Variants in NOC2L observed in about 807,000 individuals in gnomAD.
The protein encoded by NOC2L is NOC2 like nucleolar associated transcriptional repressor.
In NOC2L, 101 loss-of-function variants were observed where a neutral mutation model predicts 94.2. That is an observed-to-expected ratio of 1.07 (90% confidence interval 0.91 to 1.26). The LOEUF is 1.26. Ranked by LOEUF, NOC2L falls within the 50% of genes most tolerant of loss-of-function variation. The pLI is 0.00. For missense variants in NOC2L, 1,076 were observed against 980.1 expected (o/e 1.10, Z -1.31); for synonymous variants, 531 against 413.4 (o/e 1.28, Z -3.45).
Position 957,185 on chromosome 1 carries a change from T to C in NOC2L, c.268A>G (p.Asn90Asp), listed in dbSNP as rs1557623416. 1.2e-6 allele frequency: 2 copies of C among 1,614,058 alleles called. No individual in the cohort carries two copies. The highest frequency in any genetic ancestry group is 1.7e-6 in the Non-Finnish European group (2 of 1,180,034). ...CTGAAGTTTAGCAGGCTCTGGTCAT[T>C]CTCCTGCAGGAACTTGTAGAACTCG... ...DPEFYKFLQENDQSLLNFSDS... is the reference protein window; with the variant it reads ...DPEFYKFLQEDDQSLLNFSDS... Residue 90 changes from asparagine (N) to aspartate (D), a missense_variant, in exon 3 of 19, where the codon AAT becomes GAT. This residue lies in a region of NOC2L where 457 missense variants were observed against 386.0 expected (regional missense o/e 1.18). Coordinates refer to ENST00000327044, the MANE Select transcript of NOC2L (RefSeq NM_015658.4).
rs1642176590 is a variant in NOC2L at position 948,565 on chromosome 1, G to A, written c.1482C>T (p.Arg494=). ...QQVDFNRKPG[R]MSSKPINFSV... ...AGAAGTTGATGGGCTTGGAGCTCAT[G>A]CGCCCTGGCTTCCTGTTGAAGTCGA... is the stretch of plus-strand genomic sequence containing the variant. The change falls in exon 13 of 19, where the codon CGC becomes CGT. Residue 494 remains arginine, a synonymous_variant. Transcript: ENST00000327044. 5.6e-6 allele frequency: 9 copies of A among 1,613,538 alleles called. No homozygotes were observed. Among genetic ancestry groups the A allele is most frequent in the Non-Finnish European group, 7.6e-6 (9 of 1,179,952 alleles).
At chr1:951,023 G>T in intron 12 of NOC2L, 104 bp downstream of exon 12, 1 of 866,436 alleles carries the variant, frequency 1.2e-6, no homozygotes, top group Non-Finnish European at 1.9e-6. Context: ...AGGCGGCCAG[G>T]GCTCCGGGAA....
intron 2 of NOC2L, 23 bp downstream of exon 2, chr1:958,906 T>C (rs1054258193): frequency 4.3e-6 from 7 of 1,612,464 alleles, no homozygotes; most frequent in Non-Finnish European, 5.1e-6. Flanking sequence ...CAAGAGGTTC[T>C]GCTCACGCAT....
rs777903751 is a variant in NOC2L, at chr1:945,061, C to T, written c.2139G>A (p.Ser713=). ...TCTCACCCCAAGACCATTCACCCTC[C>T]GAGTTGCTGCTGTCCTCCTCGCCCT... The part of the protein sequence containing the change: ...EEEGEEDSSN[S]EDGDPDAEAG... The change falls in exon 18 of 19, where the codon TCG becomes TCA. Residue 713 remains serine, a synonymous_variant. Coordinates refer to ENST00000327044, the MANE Select transcript of NOC2L (RefSeq NM_015658.4). 6.8e-6 allele frequency: 11 copies of T among 1,614,044 alleles called. No homozygotes were observed. Among genetic ancestry groups the T allele is most frequent in the Admixed American group, 3.3e-5 (2 of 60,012 alleles).
In NOC2L at chr1:959,025, G is replaced by A. The variant is rs985001701; in HGVS notation, c.83C>T (p.Ser28Phe). 21 of 1,612,280 alleles carry A rather than the reference G, an allele frequency of 1.3e-5. No homozygotes were observed. The African/African-American group carries it at 2.1e-4, about 16-fold the overall frequency. ...TGGAGAATTTTCGGACTCGGATTCG[G>A]ACTCGGAGTCAAAGCCCGAAGCTAG... is the stretch of plus-strand genomic sequence containing the variant. ...EFLASGFDSE[S>F]ESESENSPQA... is the part of the protein sequence containing the mutation. The change falls in exon 2 of 19, where the codon TCC (serine) becomes TTC (phenylalanine). Residue 28 changes from serine (S) to phenylalanine (F), a missense_variant. This residue lies in a region of NOC2L where 457 missense variants were observed against 386.0 expected (regional missense o/e 1.18). Coordinates refer to ENST00000327044, the MANE Select transcript of NOC2L (RefSeq NM_015658.4).
chr1:948,613 G>C lies in NOC2L; in HGVS notation c.1444-10C>G. On this transcript the variant is annotated splice_polypyrimidine_tract_variant and intron_variant, in intron 12 of 18. Transcript: ENST00000327044. ...CGACCTGCTGGAACATCTGCCCCAA[G>C]GGCCGTGTCAGGCTCTCTCGGCCCC... 1 of 1,605,968 alleles carries C rather than the reference G, an allele frequency of 6.2e-7. No individual in the cohort carries two copies. Among genetic ancestry groups the C allele is most frequent in the South Asian group, 1.1e-5 (1 of 90,926 alleles).
In NOC2L at chr1:953,448, TGAACA is replaced by T. The variant is rs575397173; in HGVS notation, c.889-165_889-161del. Among the ~76,000 whole-genome samples the T allele has an allele frequency of 4.3e-4, 65 of 152,322 alleles. No individual in the cohort carries two copies. The East Asian group carries it at 9.7e-3, about 23-fold the overall frequency. ...TGAGTTAGGTGCTCAGTTACAGAAG[TGAACA>T]GAACAGGTGTGTTGCTCCTTGTGAG... On this transcript the variant is annotated intron_variant, in intron 8 of 18. Transcript: ENST00000327044.
intron 8 of NOC2L, 48 bp from the exon 9 acceptor site, chr1:953,336 G>T: frequency 8.7e-7 from 1 of 1,144,552 alleles, no homozygotes; most frequent in Non-Finnish European, 1.3e-6. Context: ...TCCTCAGCAG[G>T]GATGCCCCAG....
At chr1:954,873 A>T (rs1388204627) in intron 6 of NOC2L, among the ~76,000 whole-genome samples, 1 of 152,152 alleles carries the variant, frequency 6.6e-6, no homozygotes, top group Non-Finnish European at 1.5e-5. Context: ...AACAAAACAA[A>T]ACATTTACCA....
At chr1:946,682 G>C in intron 14 of NOC2L, 137 bp from the exon 15 acceptor site, 1 of 1,032,622 alleles carries the variant, frequency 9.7e-7, no homozygotes. Context: ...CAGGGCTCAA[G>C]TGCATAGCTG....
At position 957,148 on chromosome 1, in the gene NOC2L, C is replaced by A; in HGVS notation, c.305G>T (p.Ser102Ile). Residue 102 changes from serine (S) to isoleucine (I), a missense_variant, in exon 3 of 19, where the codon AGC becomes ATC. Transcript: ENST00000327044. ...QSLLNFSDSD[S>I]SEEEEGPFHS... ...GAACGGCCCCTCTTCCTCCTCAGAGCTGTCCGAGTCGCTGAAGTTTAGCAG... is the reference window on the plus strand; with the variant it reads ...GAACGGCCCCTCTTCCTCCTCAGAGATGTCCGAGTCGCTGAAGTTTAGCAG... 1 of 1,614,108 alleles carries A rather than the reference C, an allele frequency of 6.2e-7. No individual in the cohort carries two copies. The highest frequency in any genetic ancestry group is 8.5e-7 in the Non-Finnish European group (1 of 1,180,038).
chr1:951,857 A>G (rs2100388108), intron 11 of NOC2L, 143 bp downstream of exon 11: 2 of 892,598 alleles, frequency 2.2e-6, no homozygotes, highest in Non-Finnish European at 3.4e-6. Flanking sequence ...TAGCAGGTAC[A>G]GGGACCCCAG....
intron 4 of NOC2L, among the ~76,000 whole-genome samples, chr1:956,648 A>G (rs1284617836): frequency 1.3e-5 from 2 of 152,192 alleles, no homozygotes; most frequent in African/African-American, 4.8e-5. Context: ...GTGAACACAC[A>G]GTCCTGGGGC....
intron 2 of NOC2L, chr1:958,392 A>C: frequency 3.2e-6 from 1 of 311,786 alleles, no homozygotes; most frequent in South Asian, 2.6e-5. Context: ...AGTTGGGATT[A>C]CAGGTGCCCA....
intron 11 of NOC2L, among the ~76,000 whole-genome samples, 184 bp from the exon 12 acceptor site, chr1:951,422 C>G (rs1323252465): frequency 6.8e-6 from 1 of 147,716 alleles, no homozygotes; most frequent in Non-Finnish European, 1.5e-5. Context: ...CCTTACCCAG[C>G]TTTCAGCTTT....
intron 8 of NOC2L, among the ~76,000 whole-genome samples, 158 bp downstream of exon 8, chr1:953,624 G>C (rs1026229691): frequency 7.9e-5 from 12 of 152,256 alleles, no homozygotes; most frequent in Middle Eastern, 3.2e-3. Context: ...AACCCCAGGT[G>C]GGGGTGGGGG....
rs1053041773 is a variant in NOC2L, at chr1:944,922, G to A, written c.2144-122C>T. 30 of 1,453,484 alleles carry A rather than the reference G, an allele frequency of 2.1e-5. No homozygotes were observed. The Admixed American group carries it at 3.0e-4, about 14-fold the overall frequency. 90.0% of individuals were successfully genotyped at this position (1,453,484 alleles called of 1,614,324 possible). On this transcript the variant is annotated intron_variant, in intron 18 of 18. Coordinates refer to ENST00000327044, the MANE Select transcript of NOC2L (RefSeq NM_015658.4). ...TTTATCCCTGTTGCTGGCTGCCAGA[G>A]AACAGAGCATTTGGCCTGGCCTTCC...
intron 6 of NOC2L, 33 bp from the exon 7 acceptor site, chr1:954,115 GC>G (rs781495559): frequency 3.7e-6 from 6 of 1,605,718 alleles, no homozygotes; most frequent in African/African-American, 1.3e-5. Flanking sequence ...TGGCTGGGAG[GC>G]CCCACGGCTC....
At position 944,536 on chromosome 1, in the gene NOC2L, G is replaced by A. The variant is rs540640621; in HGVS notation, c.*158C>T. 214 of 626,444 alleles carry A rather than the reference G, an allele frequency of 3.4e-4. 1 individual carries two copies. Among genetic ancestry groups the A allele is most frequent in the African/African-American group, 3.4e-3 (183 of 53,692 alleles). The allele number at this position is 626,444 out of a possible 1,614,324, so 38.8% of individuals were successfully genotyped here. On this transcript the variant is annotated 3_prime_UTR_variant, in exon 19 of 19. Coordinates refer to ENST00000327044, the MANE Select transcript of NOC2L (RefSeq NM_015658.4). Reference sequence around the variant, plus strand: ...CCCAGCCCAGCCCAGCTCTCGATACGTTTGGTCTTTCATGCTGAAAAATAA... The same window carrying A: ...CCCAGCCCAGCCCAGCTCTCGATACATTTGGTCTTTCATGCTGAAAAATAA...
Sources: gnomAD v4.1 joint callset for allele counts (sites outside exome capture counted in the v4.1 genomes callset) on GRCh38, gnomAD v4.1.1 for gene constraint, gnomAD v4.1.1 regional missense constraint, MANE v1.5 for transcripts, NCBI Gene and HGNC (gene_info 2026-07-23, HGNC 2026-07-21) for gene names.